Variants in ARPP19 observed in about 807,000 individuals in gnomAD.
ARPP19 encodes the protein cAMP regulated phosphoprotein 19, also known as cAMP-regulated phosphoprotein 19.
Under a neutral mutation model 12.0 loss-of-function variants are expected in ARPP19, and 8 were observed. That is an observed-to-expected ratio of 0.67 (90% CI 0.39 to 1.21). The LOEUF is 1.21. Among genes scored for constraint, ARPP19 ranks in the 50% most tolerant of loss-of-function variants. The pLI is 0.01. For missense variants in ARPP19, 102 were observed against 136.3 expected, an observed-to-expected ratio of 0.75 and a Z score of 1.25; for synonymous variants, 47 against 50.4, an observed-to-expected ratio of 0.93 and a Z score of 0.29.
At chr15:52,552,384 A>G (rs1439108267) in intron 2 of ARPP19, among the ~76,000 whole-genome samples, 20 of 152,006 alleles carry the variant, frequency 1.3e-4, no homozygotes, top group Non-Finnish European at 2.9e-5. Context: ...AGCCTGGCCA[A>G]TATGGCGAAA....
At chr15:52,556,355 T>C (rs1358553976) in intron 2 of ARPP19, among the ~76,000 whole-genome samples, 1 of 152,126 alleles carries the variant, frequency 6.6e-6, no homozygotes, top group Non-Finnish European at 1.5e-5. Context: ...TCTCTAATTT[T>C]TTACAGCAAA....
intron 1 of ARPP19, chr15:52,557,564 ATATT>A (rs1000535345): frequency 1.4e-4 from 26 of 182,256 alleles, no homozygotes; most frequent in African/African-American, 5.2e-4. Context: ...TTCTTTGCCT[ATATT>A]TAGAGAATCA....
At chr15:52,563,449 A>C (rs1595867183) in intron 1 of ARPP19, among the ~76,000 whole-genome samples, 1 of 152,192 alleles carries the variant, frequency 6.6e-6, no homozygotes, top group East Asian at 1.9e-4. Flanking sequence ...AAAAACAAAA[A>C]CAAAAATCTT....
chr15:52,551,996 G>C lies in ARPP19; in HGVS notation c.277C>G (p.Pro93Ala). 6.2e-7 allele frequency: 1 copy of C among 1,612,512 alleles called. No homozygotes were observed. Among genetic ancestry groups the C allele is most frequent in the South Asian group, 1.1e-5 (1 of 91,052 alleles). The change falls in exon 3 of 3, where the codon CCC becomes GCC. Residue 93 changes from proline (P) to alanine (A), a missense_variant. Transcript: ENST00000249822. ...CGTTGAGGAAGGTCTTGCGGAGTGGGAATGTGGTCACCAGTGACCTCCGTC... is the reference window on the plus strand; with the variant it reads ...CGTTGAGGAAGGTCTTGCGGAGTGGCAATGTGGTCACCAGTGACCTCCGTC... ...DKTEVTGDHI[P>A]TPQDLPQRKP... is the part of the protein sequence containing the mutation.
intron 1 of ARPP19, among the ~76,000 whole-genome samples, chr15:52,565,184 C>G (rs535360231): frequency 6.6e-6 from 1 of 152,030 alleles, no homozygotes; most frequent in African/African-American, 2.4e-5. Context: ...GTAGGTGGGA[C>G]TACAGGTGTA....
At position 52,568,380 on chromosome 15, in the gene ARPP19, C is replaced by T. The variant is rs144017607; in HGVS notation, c.45+468G>A. 5.7e-3 allele frequency: 889 copies of T among 156,050 alleles called. 5 individuals are homozygous for T. Among genetic ancestry groups the T allele is most frequent in the Non-Finnish European group, 9.9e-3 (696 of 70,650 alleles). 9.7% of individuals were successfully genotyped at this position (156,050 alleles called of 1,614,324 possible). Reference sequence around the variant, plus strand: ...TGAAGGCCGGACTTTACTCACTGACCATGGTTACAAGGGTTGGCCCTGAAA... The same window carrying T: ...TGAAGGCCGGACTTTACTCACTGACTATGGTTACAAGGGTTGGCCCTGAAA... On this transcript the variant is annotated intron_variant, in intron 1 of 2. Transcript: ENST00000249822.
intron 1 of ARPP19, chr15:52,557,526 G>C: frequency 1.3e-5 from 3 of 230,000 alleles, no homozygotes; most frequent in Non-Finnish European, 2.6e-5. Context: ...TACATTTATA[G>C]TTAGTCACCT....
chr15:52,562,734 C>A (rs1057489672), intron 1 of ARPP19, among the ~76,000 whole-genome samples: 2 of 151,550 alleles, frequency 1.3e-5, no homozygotes, highest in Non-Finnish European at 2.9e-5. Flanking sequence ...TCTCAATGAG[C>A]GATGCATCCA....
rs1338600419 is a variant in ARPP19, at chr15:52,551,026, GAACT to G, written c.*904_*907del. On this transcript the variant is annotated 3_prime_UTR_variant, in exon 3 of 3. Transcript: ENST00000249822. The stretch of plus-strand genomic sequence containing the variant: ...GAAAAGCTTAAGTCTATGGCAGATT[GAACT>G]AAGATTTCAGTTTGGTATTCTATAA... The G allele has an allele frequency of 6.6e-6, 1 of 152,656 alleles. No homozygotes were observed. Among genetic ancestry groups the G allele is most frequent in the Non-Finnish European group, 1.5e-5 (1 of 68,042 alleles). 9.5% of individuals were successfully genotyped at this position (152,656 alleles called of 1,614,324 possible).
chr15:52,555,638 TAATA>T lies in ARPP19; in HGVS notation c.168+1458_168+1461del, dbSNP rs1481541505. Among the ~76,000 whole-genome samples the T allele has an allele frequency of 2.0e-5, 3 of 152,138 alleles. No homozygotes were observed. In the East Asian group the frequency reaches 5.8e-4, roughly 29 times the overall value. ...CTTGTACTGAATTATACTCTTAGATTAATAAATAAGAGATTATTGATTTGAAGAA... is the reference window on the plus strand; with the variant it reads ...CTTGTACTGAATTATACTCTTAGATTAATAAGAGATTATTGATTTGAAGAA... On this transcript the variant is annotated intron_variant, in intron 2 of 2. Coordinates refer to ENST00000249822, the MANE Select transcript of ARPP19 (RefSeq NM_006628.6).
At chr15:52,562,732 A>G (rs1382788270) in intron 1 of ARPP19, among the ~76,000 whole-genome samples, 1 of 152,134 alleles carries the variant, frequency 6.6e-6, no homozygotes, top group Non-Finnish European at 1.5e-5. Flanking sequence ...AATCTCAATG[A>G]GCGATGCATC....
intron 2 of ARPP19, 32 bp downstream of exon 2, chr15:52,557,068 T>C: frequency 6.2e-7 from 1 of 1,608,132 alleles, no homozygotes; most frequent in Non-Finnish European, 8.5e-7. Context: ...TTGTAGGGCT[T>C]AAGTATTTGG....
chr15:52,567,914 T>C (rs74016848), intron 1 of ARPP19, among the ~76,000 whole-genome samples: 29,741 of 151,986 alleles, frequency 0.2, 4,384 homozygotes, highest in African/African-American at 0.41. Flanking sequence ...ACCTGATTTG[T>C]AAGAAAAATT....
In ARPP19 at chr15:52,549,874, T is replaced by TAA. The variant is rs1555392547; in HGVS notation, c.*2058_*2059dup. ...TGCTCTCATTACAAATATATATATA[T>TAA]AACTGATCTTTACATTACAAATGAC... On this transcript the variant is annotated 3_prime_UTR_variant, in exon 3 of 3. Transcript: ENST00000249822. 1 of 152,594 alleles carries TAA rather than the reference T, an allele frequency of 6.6e-6. No homozygotes were observed. The highest frequency in any genetic ancestry group is 2.4e-5 in the African/African-American group (1 of 41,446). 9.5% of individuals were successfully genotyped at this position (152,594 alleles called of 1,614,324 possible).
chr15:52,553,541 T>C (rs990336997), intron 2 of ARPP19, among the ~76,000 whole-genome samples: 1 of 152,170 alleles, frequency 6.6e-6, no homozygotes, highest in Non-Finnish European at 1.5e-5. Context: ...TGGAGTCAGA[T>C]ACAAAGATGG....
At chr15:52,555,514 C>G (rs2077973668) in intron 2 of ARPP19, among the ~76,000 whole-genome samples, 1 of 151,942 alleles carries the variant, frequency 6.6e-6, no homozygotes, top group Non-Finnish European at 1.5e-5. Context: ...TATTGACTTA[C>G]TTCAATTTAT....
At chr15:52,568,224 AT>A (rs2078104139) in intron 1 of ARPP19, 1 of 152,256 alleles carries the variant, frequency 6.6e-6, no homozygotes, top group African/African-American at 2.4e-5. Context: ...CAAGTACCAT[AT>A]TTGAGTCCCA....
intron 1 of ARPP19, among the ~76,000 whole-genome samples, chr15:52,562,783 T>C (rs1168169113): frequency 1.3e-5 from 2 of 148,882 alleles, no homozygotes; most frequent in Non-Finnish European, 3.0e-5. Context: ...CCAAAGAAAA[T>C]GGAGAAATAA....
intron 1 of ARPP19, among the ~76,000 whole-genome samples, chr15:52,567,321 T>C (rs2078092577): frequency 6.6e-6 from 1 of 152,234 alleles, no homozygotes; most frequent in Non-Finnish European, 1.5e-5. Context: ...AAAAGATACA[T>C]TAGGCTTTTC....
Sources: gnomAD v4.1 joint callset for allele counts (sites outside exome capture counted in the v4.1 genomes callset) on GRCh38, gnomAD v4.1.1 for gene constraint, MANE v1.5 for transcripts, NCBI Gene and HGNC (gene_info 2026-07-23, HGNC 2026-07-21) for gene names.